BUB1: variants seen among roughly 807,000 people sequenced by gnomAD.
BUB1 encodes mitotic checkpoint serine/threonine-protein kinase BUB1.
In BUB1, 84 loss-of-function variants were observed where a neutral mutation model predicts 135.2. The observed-to-expected ratio is 0.62, with a 90% CI of 0.52 to 0.74. The LOEUF is 0.74. Among genes scored for constraint, BUB1 ranks in the 30% least tolerant of loss-of-function variants. The pLI, the probability that BUB1 is intolerant of heterozygous loss-of-function variation, is 0.00. For synonymous variants in BUB1, 403 were observed against 434.4 expected (o/e 0.93, Z 0.90); for missense variants, 1,162 against 1,288.3 (o/e 0.90, Z 1.50).
At chr2:110,677,579 C>T (rs1690625250) in intron 1 of BUB1, among the ~76,000 whole-genome samples, 1 of 152,044 alleles carries the variant, frequency 6.6e-6, no homozygotes. Flanking sequence ...TAAATTCGTT[C>T]CCTACTGTAG....
At chr2:110,677,109 T>G (rs991861413) in intron 1 of BUB1, among the ~76,000 whole-genome samples, 11 of 152,274 alleles carry the variant, frequency 7.2e-5, no homozygotes, top group Non-Finnish European at 1.3e-4. Context: ...TAGTAAAACA[T>G]CCAGTTCATT....
At chr2:110,667,919 AAAC>A in intron 6 of BUB1, 70 bp from the exon 7 acceptor site, 1 of 1,463,172 alleles carries the variant, frequency 6.8e-7, no homozygotes, top group African/African-American at 1.4e-5. Context: ...TTACTTCACA[AAAC>A]AATATGAAAA....
chr2:110,674,398 T>C lies in BUB1; in HGVS notation c.27-33A>G, dbSNP rs776830610. 2.9e-5 allele frequency: 47 copies of C among 1,596,716 alleles called. No individual in the cohort carries two copies. In the East Asian group the frequency reaches 1.0e-3, roughly 35 times the overall value. On this transcript the variant is annotated intron_variant, in intron 1 of 24. Transcript: ENST00000302759. ...AGAGAAAGGTATGCACATGGGATAT[T>C]AGGGATAATTTCTACAAGCAAAAGA...
chr2:110,668,411 G>A (rs1328350316), intron 6 of BUB1, among the ~76,000 whole-genome samples: 2 of 152,114 alleles, frequency 1.3e-5, no homozygotes, highest in East Asian at 3.8e-4. Context: ...GCATGTGTAG[G>A]ACGTAAAATG....
chr2:110,659,446 G>A (rs1016662780), intron 11 of BUB1, among the ~76,000 whole-genome samples: 1 of 151,944 alleles, frequency 6.6e-6, no homozygotes, highest in Non-Finnish European at 1.5e-5. Context: ...ACAGTGCCTG[G>A]CACCTACAGA....
intron 17 of BUB1, 143 bp from the exon 18 acceptor site, chr2:110,650,927 A>C: frequency 1.4e-6 from 1 of 710,652 alleles, no homozygotes. Flanking sequence ...AAGCATTTTT[A>C]GACAAACAAA....
intron 10 of BUB1, 97 bp downstream of exon 10, chr2:110,661,485 C>T: frequency 7.1e-7 from 1 of 1,407,428 alleles, no homozygotes; most frequent in South Asian, 1.5e-5. Context: ...AGACATCATT[C>T]ATCTTTTACA....
At position 110,658,472 on chromosome 2, in the gene BUB1, T is replaced by C. The variant is rs1417757827; in HGVS notation, c.1454A>G (p.Asp485Gly). The C allele has an allele frequency of 1.2e-6, 2 of 1,613,942 alleles. No homozygotes were observed. Among genetic ancestry groups the C allele is most frequent in the Non-Finnish European group, 1.7e-6 (2 of 1,180,002 alleles). ...FQAPTLPDIS[D>G]DKDEWQSLDQ... ...TAGAGATTGCCATTCATCTTTGTCA[T>C]CAGAAATATCAGGAAGTGTAGGAGC... The change falls in exon 13 of 25, where the codon GAT becomes GGT. Residue 485 changes from aspartate (D) to glycine (G), a missense_variant. By Grantham distance (94) the Asp-to-Gly change is moderately conservative. Coordinates refer to ENST00000302759, the MANE Select transcript of BUB1 (RefSeq NM_004336.5).
rs1574313955 is a variant in BUB1 at position 110,641,685 on chromosome 2, C to T, written c.2582G>A (p.Gly861Asp). 1 of 1,613,336 alleles carries T rather than the reference C, an allele frequency of 6.2e-7. No individual in the cohort carries two copies. Residue 861 changes from glycine to aspartate, a missense_variant, in exon 21 of 25, where the codon GGC becomes GAC. Coordinates refer to ENST00000302759, the MANE Select transcript of BUB1 (RefSeq NM_004336.5). ...KFYSAHLFQN[G>D]SVLVGELYSY... ...GTAGAGCTCTCCTACTAATACACTG[C>T]CATTCTGGAATAAGTGGGCAGAATA...
chr2:110,648,476 T>A lies in BUB1; in HGVS notation c.2347+758A>T, dbSNP rs1365921872. ...GTATGATACTGTAATGATGGATACA[T>A]GTCACTGTACTACATTCGTAAAAAA... On this transcript the variant is annotated intron_variant, in intron 19 of 24. Transcript: ENST00000302759. This position sits in a 1 kb window ranked among gnomAD's most constrained non-coding sequence, Gnocchi z 4.2. Among the ~76,000 whole-genome samples, 3 of 152,162 alleles carry A rather than the reference T, an allele frequency of 2.0e-5. No individual in the cohort carries two copies. The highest frequency in any genetic ancestry group is 4.4e-5 in the Non-Finnish European group (3 of 68,016).
chr2:110,660,573 GA>G (rs1559170899), intron 10 of BUB1, among the ~76,000 whole-genome samples: 2 of 151,436 alleles, frequency 1.3e-5, no homozygotes. Flanking sequence ...TTCAGGAAAA[GA>G]ATTCTTACAG....
In BUB1 at chr2:110,642,184, G is replaced by A; in HGVS notation, c.2398C>T (p.Gln800Ter). Reference sequence around the variant, plus strand: ...TCTCCCTGGGTAGCTTCGTACACCTGGGCAAAGGCTCCTTCTCCAAGAAGG... The same window carrying A: ...TCTCCCTGGGTAGCTTCGTACACCTAGGCAAAGGCTCCTTCTCCAAGAAGG... ...HHLLGEGAFA[Q>*]VYEATQGDLN... The change falls in exon 20 of 25, where the codon CAG becomes TAG. Residue 800 changes from glutamine (Q) to a stop codon, truncating the protein, a stop_gained. Coordinates refer to ENST00000302759, the MANE Select transcript of BUB1 (RefSeq NM_004336.5). LOFTEE classifies it high-confidence loss of function. The A allele has an allele frequency of 5.6e-6, 9 of 1,613,646 alleles. No individual in the cohort carries two copies. The highest frequency in any genetic ancestry group is 7.6e-6 in the Non-Finnish European group (9 of 1,179,800).
At chr2:110,647,656 G>GATTT (rs1689677448) in intron 19 of BUB1, among the ~76,000 whole-genome samples, 1 of 151,998 alleles carries the variant, frequency 6.6e-6, no homozygotes, top group Admixed American at 6.6e-5. Context: ...ATACTTATAG[G>GATTT]TAATAAACTA....
intron 6 of BUB1, among the ~76,000 whole-genome samples, chr2:110,668,742 C>T (rs535160601): frequency 2.0e-5 from 3 of 152,124 alleles, no homozygotes; most frequent in Non-Finnish European, 4.4e-5. Context: ...GATAGAAGGC[C>T]ACCTTTTCTC....
chr2:110,638,199 C>A, intron 24 of BUB1, 40 bp from the exon 25 acceptor site: 1 of 1,502,100 alleles, frequency 6.7e-7, no homozygotes, highest in East Asian at 2.4e-5. Flanking sequence ...AAAATGTAGC[C>A]TTCAATATGC....
Position 110,657,649 on chromosome 2 carries a change from C to T in BUB1, c.1517-4G>A. On this transcript the variant is annotated splice_region_variant and splice_polypyrimidine_tract_variant and intron_variant, in intron 13 of 24. Transcript: ENST00000302759. Reference sequence around the variant, plus strand: ...GCCCCAGATGACCTTACATTTTCTGCAACAGAATAAAAAATAGCATCTAAT... The same window carrying T: ...GCCCCAGATGACCTTACATTTTCTGTAACAGAATAAAAAATAGCATCTAAT... 1 of 1,551,606 alleles carries T rather than the reference C, an allele frequency of 6.4e-7. No homozygotes were observed. Among genetic ancestry groups the T allele is most frequent in the Non-Finnish European group, 8.7e-7 (1 of 1,147,736 alleles).
chr2:110,641,914 T>A, intron 20 of BUB1, 111 bp from the exon 21 acceptor site: 1 of 1,244,612 alleles, frequency 8.0e-7, no homozygotes, highest in Non-Finnish European at 1.1e-6. Flanking sequence ...GATGACAAGC[T>A]ATGAACTGTT....
intron 20 of BUB1, 37 bp from the exon 21 acceptor site, chr2:110,641,840 G>A (rs375547743): frequency 2.4e-4 from 386 of 1,582,716 alleles, no homozygotes; most frequent in African/African-American, 5.7e-4. Context: ...ATCCAATCTC[G>A]TATTCTGAAA....
In BUB1 at chr2:110,674,380, G is replaced by A. The variant is rs753610365; in HGVS notation, c.27-15C>T. On this transcript the variant is annotated splice_polypyrimidine_tract_variant and intron_variant, in intron 1 of 24. Transcript: ENST00000302759. ...CTTCAAGCATCCTAGAAGAGAGAAA[G>A]GTATGCACATGGGATATTAGGGATA... is the stretch of plus-strand genomic sequence containing the variant. The A allele has an allele frequency of 9.3e-6, 15 of 1,612,596 alleles. No individual in the cohort carries two copies. The highest frequency in any genetic ancestry group is 1.3e-5 in the Non-Finnish European group (15 of 1,179,030).
Sources: gnomAD v4.1 joint callset for allele counts (sites outside exome capture counted in the v4.1 genomes callset) on GRCh38, gnomAD v4.1.1 for gene constraint, Gnocchi (gnomAD v3.1) non-coding constraint, MANE v1.5 for transcripts, NCBI Gene and HGNC (gene_info 2026-07-23, HGNC 2026-07-21) for gene names.